The following SLC17A2 variants were observed in gnomAD, a reference collection of about 807,000 sequenced individuals.
SLC17A2 encodes sodium-dependent phosphate transport protein 3.
In SLC17A2, 38 loss-of-function variants were observed where a neutral mutation model predicts 52.1. The observed-to-expected ratio is 0.73, with a 90% confidence interval of 0.56 to 0.96. SLC17A2 has a LOEUF of 0.96. Among genes scored for constraint, SLC17A2 ranks in the 40% least tolerant of loss-of-function variants. The pLI, the probability that SLC17A2 is intolerant of heterozygous loss-of-function variation, is 0.00. For missense variants in SLC17A2, 508 were observed against 583.9 expected, an observed-to-expected ratio of 0.87 and a Z score of 1.34; for synonymous variants, 226 against 211.9, an observed-to-expected ratio of 1.07 and a Z score of -0.58.
At chr6:25,915,149 G>GTGATATATA (rs749697702) in intron 10 of SLC17A2, among the ~76,000 whole-genome samples, 1 of 57,850 alleles carries the variant, frequency 1.7e-5, no homozygotes, top group Non-Finnish European at 4.1e-5. Flanking sequence ...TATTGTGACT[G>GTGATATATA]TATATATATA....
intron 1 of SLC17A2, among the ~76,000 whole-genome samples, chr6:25,928,315 T>A (rs1766834762): frequency 6.6e-6 from 1 of 152,138 alleles, no homozygotes; most frequent in South Asian, 2.1e-4. Context: ...GGAGAATTTG[T>A]ATATTTTAAA....
chr6:25,922,759 A>C (rs1306595211), intron 3 of SLC17A2, among the ~76,000 whole-genome samples: 2 of 152,230 alleles, frequency 1.3e-5, no homozygotes, highest in African/African-American at 4.8e-5. Context: ...GTTTTCATAT[A>C]AATGTAAAAT....
chr6:25,915,635 G>A lies in SLC17A2; in HGVS notation c.1075C>T (p.Pro359Ser). Residue 359 changes from proline (P) to serine (S), a missense_variant, in exon 10 of 12, where the codon CCA becomes TCA. Coordinates refer to ENST00000377850, the MANE Select transcript of SLC17A2 (RefSeq NM_001286123.3). ...GGCAGGGCCACAGCACATATTGATGGAAGGAGGAGCCCTGGGCAATGAGGA... is the reference window on the plus strand; with the variant it reads ...GGCAGGGCCACAGCACATATTGATGAAAGGAGGAGCCCTGGGCAATGAGGA... ...KLFSSLGLLL[P>S]SICAVALPFV... The A allele has an allele frequency of 6.2e-7, 1 of 1,613,870 alleles. No homozygotes were observed. The highest frequency in any genetic ancestry group is 8.5e-7 in the Non-Finnish European group (1 of 1,179,864).
chr6:25,923,189 A>AAAC (rs1766624196), intron 3 of SLC17A2, among the ~76,000 whole-genome samples: 1 of 152,052 alleles, frequency 6.6e-6, no homozygotes, highest in African/African-American at 2.4e-5. Flanking sequence ...TCTATCTCAA[A>AAAC]AAACAAACAA....
chr6:25,917,805 T>C (rs1018492715), intron 6 of SLC17A2, among the ~76,000 whole-genome samples: 1 of 152,250 alleles, frequency 6.6e-6, no homozygotes, highest in Non-Finnish European at 1.5e-5. Context: ...CTCTAATTAC[T>C]GGATTCACTG....
intron 3 of SLC17A2, among the ~76,000 whole-genome samples, chr6:25,923,402 A>G (rs545471520): frequency 6.6e-6 from 1 of 152,356 alleles, no homozygotes; most frequent in Admixed American, 6.5e-5. Context: ...TGAGTAACCT[A>G]TAAGAATGTG....
chr6:25,916,375 C>T (rs1766318386), intron 8 of SLC17A2, among the ~76,000 whole-genome samples: 1 of 152,168 alleles, frequency 6.6e-6, no homozygotes, highest in South Asian at 2.1e-4. Flanking sequence ...GCCACCATGC[C>T]TGGCCCAGCA....
At chr6:25,921,752 CT>C (rs1286833417) in intron 3 of SLC17A2, among the ~76,000 whole-genome samples, 3 of 152,208 alleles carry the variant, frequency 2.0e-5, no homozygotes, top group African/African-American at 7.2e-5. Flanking sequence ...CATCTTGACT[CT>C]TATATCAAAG....
rs537012548 is a variant in SLC17A2, at chr6:25,916,933, TCTGCATGGGCCACAGGTACAAG to T, written c.768+14_768+35del. ...AGATCCACACCCTGCCCTAGAGACC[TCTGCATGGGCCACAGGTACAAG>T]GTGTGCACTGTACCTGTTGAGCCAG... is the stretch of plus-strand genomic sequence containing the variant. On this transcript the variant is annotated intron_variant, in intron 7 of 11. Transcript: ENST00000377850. 1,645 of 1,605,762 alleles carry T rather than the reference TCTGCATGGGCCACAGGTACAAG, an allele frequency of 1.0e-3. 23 individuals carry two copies. The South Asian group carries it at 0.017, about 17-fold the overall frequency.
intron 1 of SLC17A2, among the ~76,000 whole-genome samples, chr6:25,927,190 C>G (rs1156466548): frequency 1.3e-5 from 2 of 152,070 alleles, no homozygotes; most frequent in Non-Finnish European, 2.9e-5. Flanking sequence ...AATCTGTGAC[C>G]TTAGGATGAA....
chr6:25,915,149 G>GTATATATATATATATATATA (rs59580107), intron 10 of SLC17A2, among the ~76,000 whole-genome samples: 583 of 57,694 alleles, frequency 0.01, 54 homozygotes, highest in Middle Eastern at 0.024. Context: ...TATTGTGACT[G>GTATATATATATATATATATA]TATATATATA....
chr6:25,924,570 A>T (rs1030829312), intron 2 of SLC17A2, among the ~76,000 whole-genome samples: 3 of 151,784 alleles, frequency 2.0e-5, no homozygotes, highest in Non-Finnish European at 1.5e-5. Flanking sequence ...GCATTTTGGG[A>T]GGCTAAGGCA....
intron 3 of SLC17A2, among the ~76,000 whole-genome samples, 196 bp downstream of exon 3, chr6:25,923,499 A>T (rs752694935): frequency 1.8e-4 from 28 of 152,188 alleles, no homozygotes; most frequent in Non-Finnish European, 3.2e-4. Context: ...CAGTTCCCCC[A>T]CCTTATAATC....
chr6:25,916,897 C>T, intron 7 of SLC17A2, 51 bp from the exon 8 acceptor site: 2 of 1,608,662 alleles, frequency 1.2e-6, no homozygotes, highest in Non-Finnish European at 1.7e-6. Context: ...CAAGATGGTG[C>T]CTCTCAGAGG....
At chr6:25,916,555 T>A (rs138232182) in intron 8 of SLC17A2, 130 bp downstream of exon 8, 2 of 754,176 alleles carry the variant, frequency 2.7e-6, no homozygotes, top group East Asian at 5.2e-5. Flanking sequence ...ATTATAACAA[T>A]GCCTCTCTCA....
chr6:25,915,733 T>C lies in SLC17A2; in HGVS notation c.1063+3A>G. The C allele has an allele frequency of 6.2e-7, 1 of 1,613,970 alleles. No homozygotes were observed. The highest frequency in any genetic ancestry group is 8.5e-7 in the Non-Finnish European group (1 of 1,179,956). The stretch of plus-strand genomic sequence containing the variant: ...TTAAATGGGCCCACACGCTTATCCT[T>C]ACCAAGAGATGAAAAGAGCTTTCGC... On this transcript the variant is annotated splice_donor_region_variant and intron_variant, in intron 9 of 11. Coordinates refer to ENST00000377850, the MANE Select transcript of SLC17A2 (RefSeq NM_001286123.3).
Position 25,917,143 on chromosome 6 carries a change from A to G in SLC17A2, c.650-56T>C, listed in dbSNP as rs915134252. On this transcript the variant is annotated intron_variant, in intron 6 of 11. Coordinates refer to ENST00000377850, the MANE Select transcript of SLC17A2 (RefSeq NM_001286123.3). ...GTAGATTTGTTTACTGGGGGAAGGA[A>G]GTTTCCTCTGAAGTGGCATGCCTCT... 24 of 1,299,914 alleles carry G rather than the reference A, an allele frequency of 1.8e-5. No individual in the cohort carries two copies. The Middle Eastern group carries it at 1.3e-3, about 69-fold the overall frequency. 80.5% of individuals were successfully genotyped at this position (1,299,914 alleles called of 1,614,324 possible). A position where few individuals can be genotyped will look rare whatever the true frequency, so the allele number is the denominator to read the frequency against.
Position 25,918,558 on chromosome 6 carries a change from G to C in SLC17A2, c.578C>G (p.Ser193Cys), listed in dbSNP as rs751399595. ...TCCCCCCACACAGAGGATGATGAAG[G>C]ATCCAAATGCTGACCCTAAAGGAAA... is the stretch of plus-strand genomic sequence containing the variant. ...TIAGSGSAFG[S>C]FIILCVGGLI... The change falls in exon 6 of 12, where the codon TCC (serine) becomes TGC (cysteine). Residue 193 changes from serine (S) to cysteine (C), a missense_variant. Transcript: ENST00000377850. 4.1e-5 allele frequency: 66 copies of C among 1,612,496 alleles called. 1 individual carries two copies. Among genetic ancestry groups the C allele is most frequent in the Non-Finnish European group, 5.3e-5 (62 of 1,178,742 alleles).
chr6:25,916,613 T>G, intron 8 of SLC17A2, 72 bp downstream of exon 8: 7 of 1,264,168 alleles, frequency 5.5e-6, no homozygotes. Flanking sequence ...AGCCAGAATG[T>G]AATAGGTAAC....
Sources: gnomAD v4.1 joint callset for allele counts (sites outside exome capture counted in the v4.1 genomes callset) on GRCh38, gnomAD v4.1.1 for gene constraint, MANE v1.5 for transcripts, NCBI Gene and HGNC (gene_info 2026-07-23, HGNC 2026-07-21) for gene names.